Variants in ANO10 observed in about 807,000 individuals in gnomAD.
ANO10 encodes the protein anoctamin 10.
Under a neutral mutation model 74.7 loss-of-function variants are expected in ANO10, and 77 were observed. The ratio of observed to expected loss-of-function variants is 1.03; its 90% CI spans 0.86 to 1.25. ANO10 has a LOEUF of 1.25. Ranked by LOEUF, ANO10 falls within the 50% of genes most tolerant of loss-of-function variation. ANO10 has a pLI of 0.00. For synonymous variants in ANO10, 279 were observed against 284.9 expected (o/e 0.98, Z 0.21); for missense variants, 721 against 778.1 (o/e 0.93, Z 0.87).
At chr3:43,674,302 G>T (rs1277173317) in intron 1 of ANO10, among the ~76,000 whole-genome samples, 1 of 152,126 alleles carries the variant, frequency 6.6e-6, no homozygotes, top group Non-Finnish European at 1.5e-5. Context: ...ACCATACACA[G>T]CTAATTGTTT....
At chr3:43,685,351 T>C (rs2084261634) in intron 1 of ANO10, among the ~76,000 whole-genome samples, 1 of 152,238 alleles carries the variant, frequency 6.6e-6, no homozygotes, top group Non-Finnish European at 1.5e-5. Flanking sequence ...TGCTCTGGAG[T>C]ACTTCCATAT....
At chr3:43,668,534 A>G (rs2084019520) in intron 1 of ANO10, among the ~76,000 whole-genome samples, 2 of 151,874 alleles carry the variant, frequency 1.3e-5, no homozygotes, top group African/African-American at 4.8e-5. Flanking sequence ...TTCTGATGTT[A>G]TCTTCTAGAA....
At chr3:43,396,949 G>A (rs2092393956) in intron 12 of ANO10, among the ~76,000 whole-genome samples, 1 of 148,718 alleles carries the variant, frequency 6.7e-6, no homozygotes, top group African/African-American at 2.5e-5. Context: ...TTTTTTTTGA[G>A]ATGGAGTTTC....
chr3:43,600,650 T>C, intron 2 of ANO10, 69 bp from the exon 3 acceptor site: 1 of 1,298,788 alleles, frequency 7.7e-7, no homozygotes, highest in South Asian at 1.3e-5. Context: ...ACTTTCTAAA[T>C]AAATATAATG....
chr3:43,504,321 T>TAGATAGAC (rs2077212347), intron 11 of ANO10, among the ~76,000 whole-genome samples: 1 of 151,394 alleles, frequency 6.6e-6, no homozygotes, highest in East Asian at 1.9e-4. Context: ...GATAGATAGA[T>TAGATAGAC]AGATAGATAG....
At chr3:43,455,441 G>C (rs2075081499) in intron 11 of ANO10, among the ~76,000 whole-genome samples, 1 of 152,088 alleles carries the variant, frequency 6.6e-6, no homozygotes, top group Non-Finnish European at 1.5e-5. Flanking sequence ...CATGGATGTG[G>C]AAGGAGTGAC....
chr3:43,560,936 T>C (rs2080000078), intron 9 of ANO10, among the ~76,000 whole-genome samples: 1 of 152,236 alleles, frequency 6.6e-6, no homozygotes, highest in Admixed American at 6.5e-5. Context: ...CTGTCATCTC[T>C]GGGGCAACTA....
intron 4 of ANO10, among the ~76,000 whole-genome samples, chr3:43,592,921 T>C (rs1038992402): frequency 5.9e-5 from 9 of 152,136 alleles, no homozygotes; most frequent in African/African-American, 2.2e-4. Flanking sequence ...TTAAATGACC[T>C]GATAGAGCTG....
At chr3:43,376,622 G>C (rs1263173916) in intron 12 of ANO10, among the ~76,000 whole-genome samples, 3 of 152,272 alleles carry the variant, frequency 2.0e-5, no homozygotes, top group Admixed American at 6.5e-5. Context: ...GTTCCCAGAT[G>C]GGAGGACCAA....
chr3:43,617,718 A>C (rs560190432), intron 1 of ANO10, among the ~76,000 whole-genome samples: 1 of 152,260 alleles, frequency 6.6e-6, no homozygotes, highest in East Asian at 1.9e-4. Flanking sequence ...TCTTTTCCTG[A>C]ATTTGGGTAA....
chr3:43,524,355 C>A (rs553815869), intron 11 of ANO10, among the ~76,000 whole-genome samples: 4 of 6,176 alleles, frequency 6.5e-4, no homozygotes, highest in African/African-American at 1.0e-3. Context: ...AACTCAATTC[C>A]TTTTAACTCC....
chr3:43,554,782 T>C (rs2079656564), intron 10 of ANO10, among the ~76,000 whole-genome samples: 1 of 152,172 alleles, frequency 6.6e-6, no homozygotes, highest in Non-Finnish European at 1.5e-5. Flanking sequence ...GCCTCATATA[T>C]GTTCCCATGT....
At chr3:43,641,173 C>A (rs529832793) in intron 1 of ANO10, among the ~76,000 whole-genome samples, 2 of 152,230 alleles carry the variant, frequency 1.3e-5, no homozygotes, top group East Asian at 3.9e-4. Context: ...TATTCATTGT[C>A]ATATGTTTAA....
intron 1 of ANO10, 103 bp downstream of exon 1, chr3:43,621,806 A>C (rs2083409119): frequency 6.5e-6 from 1 of 152,922 alleles, no homozygotes; most frequent in Non-Finnish European, 1.5e-5. Flanking sequence ...GGCGGCGACC[A>C]GGCGGAGCTC....
At chr3:43,611,581 T>C (rs1210555912) in intron 1 of ANO10, among the ~76,000 whole-genome samples, 1 of 152,242 alleles carries the variant, frequency 6.6e-6, no homozygotes, top group African/African-American at 2.4e-5. Flanking sequence ...TGCAATTTAT[T>C]TATCCTCTTC....
intron 12 of ANO10, among the ~76,000 whole-genome samples, chr3:43,421,588 G>T (rs1446090810): frequency 1.3e-5 from 2 of 152,054 alleles, no homozygotes; most frequent in East Asian, 3.9e-4. Context: ...ACTTTAGGAG[G>T]CCCAGGTGGG....
intron 11 of ANO10, among the ~76,000 whole-genome samples, chr3:43,497,790 T>C (rs190297526): frequency 2.6e-5 from 4 of 152,314 alleles, no homozygotes; most frequent in African/African-American, 9.6e-5. Flanking sequence ...TACATATTTC[T>C]ATGAAATAAA....
chr3:43,634,811 C>T (rs2083588940), intron 1 of ANO10, among the ~76,000 whole-genome samples: 1 of 152,076 alleles, frequency 6.6e-6, no homozygotes, highest in Non-Finnish European at 1.5e-5. Flanking sequence ...CACAGGCAAT[C>T]AGAGGAGGGA....
At position 43,565,696 on chromosome 3, in the gene ANO10, AAG is replaced by A. The variant is rs768640639; in HGVS notation, c.1248_1249del (p.Phe417LeufsTer58). On this transcript the variant is annotated frameshift_variant, in exon 8 of 13. Coordinates refer to ENST00000292246, the MANE Select transcript of ANO10 (RefSeq NM_018075.5). LOFTEE classifies it high-confidence loss of function. The stretch of plus-strand genomic sequence containing the variant: ...ATCTTTCAAGACAAAGGCAATATAG[AAG>A]AGTGAGGCAAAGCAATTGAGGAAGT... The A allele has an allele frequency of 3.2e-6, 5 of 1,576,370 alleles. No individual in the cohort carries two copies. The African/African-American group carries it at 6.8e-5, about 21-fold the overall frequency.
Sources: allele counts gnomAD v4.1 joint callset (sites outside exome capture counted in the v4.1 genomes callset), GRCh38; gene constraint gnomAD v4.1.1; transcripts MANE v1.5; gene names NCBI Gene and HGNC (gene_info 2026-07-23, HGNC 2026-07-21).